CACNA1B: variants seen among roughly 807,000 people sequenced by gnomAD.
CACNA1B encodes calcium voltage-gated channel subunit alpha1 B.
In CACNA1B, 70 loss-of-function variants were observed where a neutral mutation model predicts 247.2. The observed-to-expected ratio is 0.28, with a 90% CI of 0.23 to 0.35. The LOEUF is 0.35. Ranked by LOEUF, CACNA1B falls within the 10% of genes least tolerant of loss-of-function variation. The pLI is 1.00. For synonymous variants in CACNA1B, 1,231 were observed against 1,294.4 expected, an observed-to-expected ratio of 0.95 and a Z score of 1.05; for missense variants, 2,367 against 3,197.4, an observed-to-expected ratio of 0.74 and a Z score of 6.26.
chr9:137,974,537 A>G lies in CACNA1B; in HGVS notation c.1544-1370A>G, dbSNP rs1417288095. 6.6e-6 allele frequency among the ~76,000 whole-genome samples: 1 copy of G among 152,100 alleles called. No individual in the cohort carries two copies. Among genetic ancestry groups the G allele is most frequent in the Non-Finnish European group, 1.5e-5 (1 of 68,010 alleles). The stretch of plus-strand genomic sequence containing the variant: ...TGCCTGAGTGGTCTGTGAAGTTGTC[A>G]TCTCTGCTTATCCCAGGTCTGGGCT... On this transcript the variant is annotated intron_variant, in intron 11 of 46. Transcript: ENST00000371372. The surrounding 1 kb of genome is among the most constrained non-coding windows in gnomAD (Gnocchi z 4.5).
intron 18 of CACNA1B, among the ~76,000 whole-genome samples, chr9:138,016,761 C>G (rs559659863): frequency 6.6e-6 from 1 of 152,294 alleles, no homozygotes; most frequent in South Asian, 2.1e-4. Flanking sequence ...CAGTCAGCCT[C>G]CCGCCGCAGG....
intron 3 of CACNA1B, among the ~76,000 whole-genome samples, chr9:137,906,607 C>A (rs1957302126): frequency 2.6e-5 from 4 of 152,024 alleles, no homozygotes; most frequent in African/African-American, 2.4e-5. Flanking sequence ...TGTGTGATGT[C>A]TTAACATACA....
At chr9:137,925,658 C>T (rs1957540579) in intron 6 of CACNA1B, among the ~76,000 whole-genome samples, 2 of 151,806 alleles carry the variant, frequency 1.3e-5, no homozygotes, top group Non-Finnish European at 2.9e-5. Context: ...ATACAATTTG[C>T]AAACAGAAAC....
rs1554737971 is a variant in CACNA1B, at chr9:137,954,856, T to TGTGTGTGTGTG, written c.1071-842_1071-841insGTGTGTGTGTG. Among the ~76,000 whole-genome samples, 13 of 120,996 alleles carry TGTGTGTGTGTG rather than the reference T, an allele frequency of 1.1e-4. No homozygotes were observed. Among genetic ancestry groups the TGTGTGTGTGTG allele is most frequent in the South Asian group, 5.8e-4 (2 of 3,478 alleles). 79.4% of individuals were successfully genotyped at this position (120,996 alleles called of 152,430 possible). On this transcript the variant is annotated intron_variant, in intron 7 of 46. Coordinates refer to ENST00000371372, the MANE Select transcript of CACNA1B (RefSeq NM_000718.4). The surrounding 1 kb of genome is among the most constrained non-coding windows in gnomAD (Gnocchi z 4.1). ...ACACCCACTCCACCAACTCAGAAGC[T>TGTGTGTGTGTG]TGTGTGTGTGTGTGTGTGTGTGTGA...
rs1343228992 is a variant in CACNA1B at position 138,020,625 on chromosome 9, T to C, written c.2268-2386T>C. 6.6e-6 allele frequency among the ~76,000 whole-genome samples: 1 copy of C among 152,038 alleles called. No individual in the cohort carries two copies. Among genetic ancestry groups the C allele is most frequent in the African/African-American group, 2.4e-5 (1 of 41,390 alleles). ...TGACGTTAGGGCTGACAGTGGCAGATAGGCCCGGAAGGAACAGGCCAGGTG... is the reference window on the plus strand; with the variant it reads ...TGACGTTAGGGCTGACAGTGGCAGACAGGCCCGGAAGGAACAGGCCAGGTG... On this transcript the variant is annotated intron_variant, in intron 18 of 46. Coordinates refer to ENST00000371372, the MANE Select transcript of CACNA1B (RefSeq NM_000718.4). The surrounding 1 kb of genome is among the most constrained non-coding windows in gnomAD (Gnocchi z 4.1).
chr9:138,022,335 G>A (rs755620502), intron 18 of CACNA1B, among the ~76,000 whole-genome samples: 1 of 152,140 alleles, frequency 6.6e-6, no homozygotes, highest in African/African-American at 2.4e-5. Flanking sequence ...GGGCAGCTGC[G>A]GGGCTGCGGC....
At chr9:138,075,706 G>C (rs928091409) in intron 34 of CACNA1B, 113 bp from the exon 35 acceptor site, 1 of 674,316 alleles carries the variant, frequency 1.5e-6, no homozygotes, top group African/African-American at 1.8e-5. Flanking sequence ...TGGGGCAGTC[G>C]CCCATCTCAC....
chr9:138,113,774 G>A (rs1295534719), intron 40 of CACNA1B, among the ~76,000 whole-genome samples: 3 of 132,688 alleles, frequency 2.3e-5, no homozygotes, highest in African/African-American at 5.9e-5. Flanking sequence ...GTGAGGGAGC[G>A]CAGGAAGGTG....
At position 138,102,774 on chromosome 9, in the gene CACNA1B, G is replaced by A; in HGVS notation, c.5286G>A (p.Leu1762=). Residue 1762 remains leucine, a synonymous_variant, in exon 38 of 47, where the codon CTG becomes CTA. Coordinates refer to ENST00000371372, the MANE Select transcript of CACNA1B (RefSeq NM_000718.4). This position sits in a 1 kb window ranked among gnomAD's most constrained non-coding sequence, Gnocchi z 5.4. ...AACACATGTCCCCGCCTCTGGGGCT[G>A]GGGAAGAAATGCCCTGCTCGAGTTG... ...MLKHMSPPLG[L]GKKCPARVAY... is the part of the protein sequence containing the mutation. 6.2e-7 allele frequency: 1 copy of A among 1,612,742 alleles called. No individual in the cohort carries two copies. Among genetic ancestry groups the A allele is most frequent in the Non-Finnish European group, 8.5e-7 (1 of 1,179,048 alleles).
In CACNA1B at chr9:138,057,119, A is replaced by G. The variant is rs1311366394; in HGVS notation, c.3969-613A>G. Among the ~76,000 whole-genome samples the G allele has an allele frequency of 6.6e-6, 1 of 151,788 alleles. No homozygotes were observed. The highest frequency in any genetic ancestry group is 2.4e-5 in the African/African-American group (1 of 41,346). On this transcript the variant is annotated intron_variant, in intron 26 of 46. Coordinates refer to ENST00000371372, the MANE Select transcript of CACNA1B (RefSeq NM_000718.4). The surrounding 1 kb of genome is among the most constrained non-coding windows in gnomAD (Gnocchi z 4.0). ...CCCGGCTAATTATTTTTGTATTTTT[A>G]GTAGAGACGGGGGTTCACCATGTTA...
chr9:137,920,346 G>A (rs56332204), intron 6 of CACNA1B, among the ~76,000 whole-genome samples: 4,897 of 152,260 alleles, frequency 0.032, 250 homozygotes, highest in African/African-American at 0.11. Flanking sequence ...ACAGGCACGA[G>A]CCACCCCATC....
intron 6 of CACNA1B, among the ~76,000 whole-genome samples, chr9:137,937,947 CAAAAAAAAAAAAAA>C (rs57680122): frequency 0.031 from 691 of 21,962 alleles, 11 homozygotes; most frequent in Middle Eastern, 0.05. Context: ...AACTCTGTCT[CAAAAAAAAAAAAAA>C]AAAAAAAAAA....
intron 19 of CACNA1B, 38 bp downstream of exon 19, chr9:138,023,849 T>C (rs1212286710): frequency 9.5e-7 from 1 of 1,052,294 alleles, no homozygotes; most frequent in Admixed American, 2.0e-5. Context: ...GAGGGAAGGG[T>C]TGGCCGGGGC....
chr9:138,067,312 A>G (rs563933057), intron 31 of CACNA1B, among the ~76,000 whole-genome samples: 14 of 152,376 alleles, frequency 9.2e-5, no homozygotes, highest in African/African-American at 3.1e-4. Context: ...AGGAAAGATC[A>G]TTCCACTCTT....
rs776425398 is a variant in CACNA1B at position 137,976,025 on chromosome 9, TGA to T, written c.1656+10_1656+11del. 2 of 1,539,266 alleles carry T rather than the reference TGA, an allele frequency of 1.3e-6. No homozygotes were observed. The highest frequency in any genetic ancestry group is 2.7e-5 in the African/African-American group (2 of 73,290). On this transcript the variant is annotated splice_region_variant and intron_variant, in intron 12 of 46. Transcript: ENST00000371372. The stretch of plus-strand genomic sequence containing the variant: ...TCAACTGCTTCGACTTTGGGGTGAG[TGA>T]GAGGCCTGATCAGGGGCCCAGGCTG...
intron 3 of CACNA1B, among the ~76,000 whole-genome samples, chr9:137,884,970 C>T (rs1956988093): frequency 1.9e-5 from 2 of 102,988 alleles, no homozygotes; most frequent in Non-Finnish European, 4.3e-5. Flanking sequence ...CCCCCCCCCT[C>T]CTCCCACTTT....
At chr9:138,107,027 G>A (rs887594461) in intron 39 of CACNA1B, among the ~76,000 whole-genome samples, 2 of 151,748 alleles carry the variant, frequency 1.3e-5, no homozygotes, top group African/African-American at 2.4e-5. Context: ...CTGTTTCTCC[G>A]ATCCCACAAA....
chr9:138,116,849 T>C (rs1227091751), intron 42 of CACNA1B, among the ~76,000 whole-genome samples: 1 of 152,196 alleles, frequency 6.6e-6, no homozygotes, highest in Non-Finnish European at 1.5e-5. Context: ...GCTCTGTGCC[T>C]GGTGCCAGCA....
At chr9:137,926,037 A>G (rs1166060585) in intron 6 of CACNA1B, among the ~76,000 whole-genome samples, 1 of 141,048 alleles carries the variant, frequency 7.1e-6, no homozygotes, top group Non-Finnish European at 1.5e-5. Flanking sequence ...TACAGGCGTG[A>G]GCCACTGTAC....
Sources: allele counts gnomAD v4.1 joint callset (sites outside exome capture counted in the v4.1 genomes callset), GRCh38; gene constraint gnomAD v4.1.1; non-coding constraint Gnocchi (gnomAD v3.1); transcripts MANE v1.5; gene names NCBI Gene and HGNC (gene_info 2026-07-23, HGNC 2026-07-21).